Variants in DLG2 observed in about 807,000 individuals in gnomAD.
The protein encoded by DLG2 is disks large homolog 2.
A neutral mutation model predicts 132.5 loss-of-function variants in DLG2; 45 were observed. The ratio of observed to expected loss-of-function variants is 0.34; its 90% CI spans 0.27 to 0.44. DLG2 has a LOEUF of 0.44. DLG2 is among the 20% of genes least tolerant of loss of function. The pLI is 1.00. For synonymous variants in DLG2, 424 were observed against 419.6 expected, an observed-to-expected ratio of 1.01 and a Z score of -0.13; for missense variants, 1,045 against 1,196.9, an observed-to-expected ratio of 0.87 and a Z score of 1.87.
At chr11:85,503,958 A>G (rs1327310985) in intron 3 of DLG2, among the ~76,000 whole-genome samples, 1 of 150,652 alleles carries the variant, frequency 6.6e-6, no homozygotes, top group Non-Finnish European at 1.5e-5. Context: ...AGGAGGAGGG[A>G]CAGTGATGAT....
At chr11:83,742,210 AACAC>A (rs67195725) in intron 18 of DLG2, among the ~76,000 whole-genome samples, 19,692 of 147,042 alleles carry the variant, frequency 0.13, 1,497 homozygotes, top group African/African-American at 0.2. Context: ...CCACACTTTT[AACAC>A]ACACACACAC....
intron 3 of DLG2, among the ~76,000 whole-genome samples, chr11:85,403,041 A>T (rs2088321676): frequency 6.6e-6 from 1 of 152,300 alleles, no homozygotes; most frequent in East Asian, 1.9e-4. Flanking sequence ...ACACATGTAC[A>T]CGTATGTTTA....
At chr11:84,734,452 G>A (rs1278767742) in intron 6 of DLG2, among the ~76,000 whole-genome samples, 1 of 152,106 alleles carries the variant, frequency 6.6e-6, no homozygotes, top group African/African-American at 2.4e-5. Context: ...TGTTATTGGT[G>A]TATAAGAATG....
At chr11:84,452,376 T>G (rs12274138) in intron 7 of DLG2, among the ~76,000 whole-genome samples, 21 of 151,652 alleles carry the variant, frequency 1.4e-4, no homozygotes, top group African/African-American at 5.1e-4. Flanking sequence ...GCTTTTGCTA[T>G]GAATGAGACA....
chr11:84,943,167 C>CGTGTGTGT (rs201404405), intron 6 of DLG2, among the ~76,000 whole-genome samples: 38 of 137,882 alleles, frequency 2.8e-4, no homozygotes, highest in African/African-American at 8.8e-4. Context: ...TGTGTGTGTG[C>CGTGTGTGT]GTGTGTGTGT....
At chr11:85,586,159 C>G (rs558564768) in intron 3 of DLG2, among the ~76,000 whole-genome samples, 1 of 152,286 alleles carries the variant, frequency 6.6e-6, no homozygotes, top group Admixed American at 6.5e-5. Context: ...CATCTATGTT[C>G]ATCAGGGATA....
chr11:83,577,203 C>T (rs2096886684), intron 19 of DLG2, among the ~76,000 whole-genome samples: 1 of 151,938 alleles, frequency 6.6e-6, no homozygotes, highest in Admixed American at 6.6e-5. Flanking sequence ...ACTCCAAGTT[C>T]TTCAGTTTTG....
chr11:85,073,256 T>C (rs554494645), intron 6 of DLG2, among the ~76,000 whole-genome samples: 2 of 151,948 alleles, frequency 1.3e-5, no homozygotes, highest in Admixed American at 1.3e-4. Context: ...CCCTTCCAGG[T>C]CACTCCAGGG....
At chr11:85,141,535 G>T (rs932088732) in intron 5 of DLG2, among the ~76,000 whole-genome samples, 1 of 151,244 alleles carries the variant, frequency 6.6e-6, no homozygotes, top group African/African-American at 2.4e-5. Context: ...TATTTCCTTT[G>T]CTATGGAGAA....
chr11:84,539,441 G>A (rs937372136), intron 6 of DLG2, among the ~76,000 whole-genome samples: 5 of 152,152 alleles, frequency 3.3e-5, no homozygotes, highest in Admixed American at 3.3e-4. Context: ...AGGTACTAAT[G>A]TCATTCTGGG....
rs1335012629 is a variant in DLG2 at position 84,696,069 on chromosome 11, G to GAAAACAAAATTGAATGAGTAGAAC, written c.358-161362_358-161339dup. 2.0e-5 allele frequency among the ~76,000 whole-genome samples: 3 copies of GAAAACAAAATTGAATGAGTAGAAC among 151,480 alleles called. No homozygotes were observed. In the Admixed American group the frequency reaches 2.0e-4, roughly 10 times the overall value. Reference sequence around the variant, plus strand: ...CATGGTCTCCAAAGTAAGATGGAGAGAAAACAAAATTGAATGAGTAGAACA... The same window carrying GAAAACAAAATTGAATGAGTAGAAC: ...CATGGTCTCCAAAGTAAGATGGAGAGAAAACAAAATTGAATGAGTAGAACAAAACAAAATTGAATGAGTAGAACA... On this transcript the variant is annotated intron_variant, in intron 6 of 27. Transcript: ENST00000376104.
chr11:84,813,919 G>T (rs577392690), intron 6 of DLG2, among the ~76,000 whole-genome samples: 1 of 151,934 alleles, frequency 6.6e-6, no homozygotes, highest in Non-Finnish European at 1.5e-5. Flanking sequence ...CTATCATTTG[G>T]AAATAGGATG....
intron 5 of DLG2, among the ~76,000 whole-genome samples, chr11:85,133,699 A>T (rs2152416163): frequency 6.6e-6 from 1 of 152,302 alleles, no homozygotes; most frequent in Admixed American, 6.5e-5. Flanking sequence ...AAACTTCCAC[A>T]TTCTGAGTGA....
At chr11:84,413,571 A>C (rs187713051) in intron 7 of DLG2, among the ~76,000 whole-genome samples, 50 of 152,324 alleles carry the variant, frequency 3.3e-4, no homozygotes, top group Admixed American at 1.4e-3. Context: ...ATTCATGGGA[A>C]TATGAAATAA....
At chr11:84,252,695 G>C (rs1598407717) in intron 7 of DLG2, among the ~76,000 whole-genome samples, 2 of 152,242 alleles carry the variant, frequency 1.3e-5, no homozygotes, top group East Asian at 3.9e-4. Flanking sequence ...CATGAATATT[G>C]AGTAGAGCTA....
At chr11:83,721,834 T>A (rs1053707029) in intron 18 of DLG2, among the ~76,000 whole-genome samples, 1 of 152,144 alleles carries the variant, frequency 6.6e-6, no homozygotes, top group African/African-American at 2.4e-5. Flanking sequence ...GTGGCTGGGA[T>A]ATAAAGGATG....
intron 6 of DLG2, among the ~76,000 whole-genome samples, chr11:85,093,652 A>C (rs2069217051): frequency 6.6e-6 from 1 of 152,174 alleles, no homozygotes; most frequent in Admixed American, 6.6e-5. Flanking sequence ...GTGCGGGGGA[A>C]CTCTCGATTA....
At chr11:85,362,222 T>C (rs1167405170) in intron 3 of DLG2, among the ~76,000 whole-genome samples, 2 of 152,210 alleles carry the variant, frequency 1.3e-5, no homozygotes, top group African/African-American at 4.8e-5. Flanking sequence ...CCCCAAGTGC[T>C]GGAATTATAC....
intron 14 of DLG2, among the ~76,000 whole-genome samples, chr11:83,954,387 T>C (rs1023188402): frequency 1.3e-5 from 2 of 152,190 alleles, no homozygotes; most frequent in Non-Finnish European, 2.9e-5. Context: ...CTCTTTATTG[T>C]TTATTTACAT....
Sources: gnomAD v4.1 joint callset for allele counts (sites outside exome capture counted in the v4.1 genomes callset) on GRCh38, gnomAD v4.1.1 for gene constraint, MANE v1.5 for transcripts, NCBI Gene and HGNC (gene_info 2026-07-23, HGNC 2026-07-21) for gene names.